CELF4: variants seen among roughly 807,000 people sequenced by gnomAD.
The protein encoded by CELF4 is CUGBP Elav-like family member 4.
Under a neutral mutation model 59.9 loss-of-function variants are expected in CELF4, and 18 were observed. The ratio of observed to expected loss-of-function variants is 0.30; its 90% CI spans 0.21 to 0.45. CELF4 has a LOEUF of 0.45. Ranked by LOEUF, CELF4 falls within the 20% of genes least tolerant of loss-of-function variation. CELF4 has a pLI of 1.00. For synonymous variants in CELF4, 261 were observed against 267.1 expected, an observed-to-expected ratio of 0.98 and a Z score of 0.22; for missense variants, 456 against 689.0, an observed-to-expected ratio of 0.66 and a Z score of 3.79.
chr18:37,430,777 T>C (rs1347073675), intron 2 of CELF4, among the ~76,000 whole-genome samples: 1 of 152,204 alleles, frequency 6.6e-6, no homozygotes, highest in African/African-American at 2.4e-5. Flanking sequence ...CCTCTAGTTG[T>C]GTCTCCCAGG....
At chr18:37,495,143 TGGTA>T (rs936756104) in intron 1 of CELF4, among the ~76,000 whole-genome samples, 19 of 152,340 alleles carry the variant, frequency 1.2e-4, no homozygotes, top group African/African-American at 3.8e-4. Context: ...CTGATGAACC[TGGTA>T]GGGGAGTTTA....
chr18:37,464,695 C>T (rs2099803163), intron 2 of CELF4, among the ~76,000 whole-genome samples: 1 of 152,076 alleles, frequency 6.6e-6, no homozygotes, highest in Admixed American at 6.5e-5. Flanking sequence ...AGCAGCCCTG[C>T]CAGGGGAGGC....
At chr18:37,505,695 T>A (rs1027334145) in intron 1 of CELF4, among the ~76,000 whole-genome samples, 1 of 152,214 alleles carries the variant, frequency 6.6e-6, no homozygotes, top group Non-Finnish European at 1.5e-5. Context: ...CCATCTGGGC[T>A]CTACCACTTC....
At chr18:37,511,485 G>A (rs771248697) in intron 1 of CELF4, among the ~76,000 whole-genome samples, 8 of 151,738 alleles carry the variant, frequency 5.3e-5, no homozygotes, top group Non-Finnish European at 1.0e-4. Flanking sequence ...TCCTAGTCTC[G>A]CTCACCCACA....
intron 1 of CELF4, among the ~76,000 whole-genome samples, chr18:37,562,523 G>C (rs2099986871): frequency 6.6e-6 from 1 of 152,040 alleles, no homozygotes; most frequent in Non-Finnish European, 1.5e-5. Flanking sequence ...CCTGAAACCA[G>C]GCTTAACAAA....
intron 2 of CELF4, among the ~76,000 whole-genome samples, chr18:37,470,869 T>TGA (rs1569569536): frequency 1.7e-5 from 2 of 119,294 alleles, no homozygotes; most frequent in Non-Finnish European, 3.5e-5. Flanking sequence ...TGTGTGTGTG[T>TGA]GTGTGTGTGT....
intron 2 of CELF4, among the ~76,000 whole-genome samples, chr18:37,375,165 G>A (rs768011269): frequency 4.6e-5 from 7 of 152,136 alleles, no homozygotes; most frequent in African/African-American, 9.7e-5. Context: ...GTGCTCATGC[G>A]TCCTCCAAAA....
chr18:37,481,082 C>T (rs542386890), intron 2 of CELF4, among the ~76,000 whole-genome samples: 6 of 151,988 alleles, frequency 3.9e-5, no homozygotes, highest in East Asian at 1.9e-4. Context: ...AGTCAGGAGG[C>T]GTGATGGCGG....
At chr18:37,273,339 A>G in intron 6 of CELF4, 176 bp from the exon 7 acceptor site, 1 of 1,406,900 alleles carries the variant, frequency 7.1e-7, no homozygotes. Context: ...AACAGCTATT[A>G]GAGTCCACCA....
intron 3 of CELF4, among the ~76,000 whole-genome samples, chr18:37,289,427 GTC>G (rs2095145224): frequency 6.6e-6 from 1 of 152,198 alleles, no homozygotes; most frequent in Non-Finnish European, 1.5e-5. Context: ...CCACCCACAA[GTC>G]TCCAGGGGAT....
At chr18:37,349,616 T>C (rs763663617) in intron 2 of CELF4, among the ~76,000 whole-genome samples, 1 of 152,158 alleles carries the variant, frequency 6.6e-6, no homozygotes, top group Non-Finnish European at 1.5e-5. Flanking sequence ...CGCTAGGGTG[T>C]ATCTGAATAA....
At chr18:37,376,218 C>T (rs945243031) in intron 2 of CELF4, among the ~76,000 whole-genome samples, 2 of 152,124 alleles carry the variant, frequency 1.3e-5, no homozygotes, top group African/African-American at 4.8e-5. Context: ...ATGGCAGCCT[C>T]CCACCTCTTC....
chr18:37,305,790 A>G lies in CELF4; in HGVS notation c.448+16013T>C, dbSNP rs1285567806. ...TTGACCCACAGGAAGGCCTTGGCCC[A>G]CTCCAGGGGGCTACTAAGGTAGGTT... On this transcript the variant is annotated intron_variant, in intron 3 of 12. Coordinates refer to ENST00000420428, the MANE Select transcript of CELF4 (RefSeq NM_020180.4). 4 of 152,322 alleles carry G rather than the reference A, an allele frequency of 2.6e-5. No homozygotes were observed. The South Asian group carries it at 6.2e-4, about 24-fold the overall frequency. 9.4% of individuals were successfully genotyped at this position (152,322 alleles called of 1,614,324 possible).
intron 1 of CELF4, among the ~76,000 whole-genome samples, chr18:37,503,049 G>C (rs183396355): frequency 7.9e-5 from 12 of 152,312 alleles, no homozygotes; most frequent in African/African-American, 2.6e-4. Flanking sequence ...TTTCCACCAC[G>C]GTGCAGAGGA....
intron 3 of CELF4, among the ~76,000 whole-genome samples, chr18:37,300,191 C>T (rs945599784): frequency 2.1e-5 from 3 of 145,836 alleles, no homozygotes; most frequent in Non-Finnish European, 4.4e-5. Flanking sequence ...TCCCTTGTGC[C>T]TGCTTGTTGC....
At chr18:37,419,978 A>G (rs2099566545) in intron 2 of CELF4, among the ~76,000 whole-genome samples, 1 of 152,230 alleles carries the variant, frequency 6.6e-6, no homozygotes, top group South Asian at 2.1e-4. Flanking sequence ...TCTGGCAGCT[A>G]CATCTAGTCA....
chr18:37,255,410 A>G (rs1488745130), intron 11 of CELF4, among the ~76,000 whole-genome samples: 1 of 151,722 alleles, frequency 6.6e-6, no homozygotes, highest in East Asian at 1.9e-4. Flanking sequence ...GCCTTGCTCA[A>G]GTTTGCTCCT....
chr18:37,487,156 A>G (rs1399147020), intron 1 of CELF4, among the ~76,000 whole-genome samples: 1 of 152,114 alleles, frequency 6.6e-6, no homozygotes, highest in Non-Finnish European at 1.5e-5. Flanking sequence ...CGGCCACAGA[A>G]TGCTCCCGGT....
intron 2 of CELF4, among the ~76,000 whole-genome samples, chr18:37,343,107 A>G (rs962146720): frequency 2.6e-5 from 4 of 152,180 alleles, no homozygotes; most frequent in African/African-American, 9.7e-5. Context: ...AGAACAGACC[A>G]AGGCCTCTGG....
Sources: allele counts gnomAD v4.1 joint callset (sites outside exome capture counted in the v4.1 genomes callset), GRCh38; gene constraint gnomAD v4.1.1; transcripts MANE v1.5; gene names NCBI Gene and HGNC (gene_info 2026-07-23, HGNC 2026-07-21).